Variants in IL1RL1 observed in about 807,000 individuals in gnomAD.
IL1RL1 encodes the protein interleukin 1 receptor like 1.
A neutral mutation model predicts 50.9 loss-of-function variants in IL1RL1; 32 were observed. The observed-to-expected ratio is 0.63, with a 90% confidence interval of 0.47 to 0.84. The LOEUF (loss-of-function observed/expected upper bound fraction) is 0.84, where lower values mean the gene tolerates loss of function less well. Ranked by LOEUF, IL1RL1 falls within the 40% of genes least tolerant of loss-of-function variation. IL1RL1 has a pLI of 0.00. For synonymous variants in IL1RL1, 275 were observed against 236.0 expected (o/e 1.17, Z -1.51); for missense variants, 773 against 662.9 (o/e 1.17, Z -1.82).
At chr2:102,345,736 A>G in intron 8 of IL1RL1, 3 of 985,412 alleles carry the variant, frequency 3.0e-6, no homozygotes, top group Non-Finnish European at 3.6e-6. Context: ...GATGGCTATA[A>G]GTGCCGTAGT....
rs138992262 is a variant in IL1RL1 at position 102,351,771 on chromosome 2, G to A, written c.1521G>A (p.Gln507=). The change falls in exon 11 of 11, where the codon CAG becomes CAA. Residue 507 remains glutamine, a synonymous_variant. Transcript: ENST00000233954. ...CCCTCCAGCATCTTATGAAAGTACA[G>A]GGGACCATCAAGTGGAGGGAGGACC... ...QDSLQHLMKV[Q]GTIKWREDHI... is the part of the protein sequence containing the mutation. The A allele has an allele frequency of 1.3e-4, 203 of 1,613,968 alleles. No individual in the cohort carries two copies. The highest frequency in any genetic ancestry group is 1.7e-4 in the Non-Finnish European group (199 of 1,180,000).
At chr2:102,343,527 A>G (rs1677663286) in intron 8 of IL1RL1, 112 bp downstream of exon 8, 2 of 1,593,048 alleles carry the variant, frequency 1.3e-6, no homozygotes, top group South Asian at 1.1e-5. Flanking sequence ...CCTGTGCCAT[A>G]AAATGTGCTT....
At chr2:102,352,205 T>C (rs1008968010), downstream of IL1RL1, among the ~76,000 whole-genome samples, 1 of 147,946 alleles carries the variant, frequency 6.8e-6, no homozygotes, top group Non-Finnish European at 1.5e-5. Flanking sequence ...ACTACTCTTT[T>C]TTCCTCTCTC....
intron 9 of IL1RL1, among the ~76,000 whole-genome samples, chr2:102,348,735 G>C (rs1677848825): frequency 6.6e-6 from 1 of 152,136 alleles, no homozygotes; most frequent in African/African-American, 2.4e-5. Context: ...TTCCCCAGGG[G>C]AGTATGGGGA....
chr2:102,319,999 C>T (rs1676791133), intron 1 of IL1RL1, among the ~76,000 whole-genome samples: 1 of 152,158 alleles, frequency 6.6e-6, no homozygotes, highest in African/African-American at 2.4e-5. Context: ...CTTTCTTTTG[C>T]TTTGTTATTT....
In IL1RL1 at chr2:102,351,550, G is replaced by T. The variant is rs1279033276; in HGVS notation, c.1300G>T (p.Val434Leu). The change falls in exon 11 of 11, where the codon GTG becomes TTG. Residue 434 changes from valine (V) to leucine (L), a missense_variant. Val to Leu is a conservative substitution (Grantham distance 32). Coordinates refer to ENST00000233954, the MANE Select transcript of IL1RL1 (RefSeq NM_016232.5). ...TGTATGACTAGATGTAGTCACTGCA[G>T]TGGAAACCAACATACGAAAGAGCAG... ...MLPGEDVVTA[V>L]ETNIRKSRRH... is the part of the protein sequence containing the mutation. 6.2e-7 allele frequency: 1 copy of T among 1,613,902 alleles called. No homozygotes were observed. The highest frequency in any genetic ancestry group is 2.2e-5 in the East Asian group (1 of 44,872).
intron 8 of IL1RL1, chr2:102,344,020 C>T: frequency 3.7e-6 from 2 of 540,022 alleles, no homozygotes; most frequent in Non-Finnish European, 4.7e-6. Flanking sequence ...GTTTAATTGG[C>T]TCACAGTTCT....
Position 102,340,253 on chromosome 2 carries a change from C to A in IL1RL1, c.428C>A (p.Ala143Glu). The change falls in exon 4 of 11, where the codon GCA becomes GAA. Residue 143 changes from alanine to glutamate, a missense_variant. Ala to Glu is a moderately radical substitution (Grantham distance 107). Coordinates refer to ENST00000233954, the MANE Select transcript of IL1RL1 (RefSeq NM_016232.5). ...ACCATTGACCTCTACAACTGGACAG[C>A]ACCTCTTGAGTGGTTTAAGGTAAGA... Reference protein sequence around the residue: ...CPTIDLYNWTAPLEWFKNCQA... With the variant: ...CPTIDLYNWTEPLEWFKNCQA... 1 of 1,597,674 alleles carries A rather than the reference C, an allele frequency of 6.3e-7. No individual in the cohort carries two copies. Among genetic ancestry groups the A allele is most frequent in the Non-Finnish European group, 8.5e-7 (1 of 1,176,284 alleles).
intron 1 of IL1RL1, among the ~76,000 whole-genome samples, chr2:102,321,824 A>G (rs947079484): frequency 1.3e-5 from 2 of 152,246 alleles, no homozygotes; most frequent in Non-Finnish European, 1.5e-5. Context: ...GATGGAGATT[A>G]AGAGGAAAAT....
intron 8 of IL1RL1, chr2:102,343,881 G>T: frequency 1.0e-6 from 1 of 998,112 alleles, no homozygotes; most frequent in Non-Finnish European, 1.2e-6. Flanking sequence ...GAACAAAAAG[G>T]GGAAGTATCA....
chr2:102,350,069 A>G (rs892337984), intron 10 of IL1RL1, among the ~76,000 whole-genome samples: 1 of 114,200 alleles, frequency 8.8e-6, no homozygotes, highest in Admixed American at 7.9e-5. Context: ...GGGAATGCTA[A>G]TAGCCTCAAT....
chr2:102,315,031 C>G (rs1474038060), intron 1 of IL1RL1, among the ~76,000 whole-genome samples: 1 of 152,184 alleles, frequency 6.6e-6, no homozygotes, highest in Non-Finnish European at 1.5e-5. Context: ...TTTGCTTTCC[C>G]TTGGTACTGC....
intron 1 of IL1RL1, among the ~76,000 whole-genome samples, chr2:102,311,997 ATATATTTATATATATTAT>A: frequency 3.6e-5 from 1 of 27,992 alleles, no homozygotes; most frequent in Non-Finnish European, 5.5e-5. Context: ...ATTATATATA[ATATATTTATATATATTAT>A]ATATAATATA....
intron 8 of IL1RL1, chr2:102,343,998 A>G: frequency 1.4e-6 from 1 of 710,870 alleles, no homozygotes; most frequent in Non-Finnish European, 1.7e-6. Flanking sequence ...TGGGTGATTT[A>G]TATGAAAAGA....
At chr2:102,337,222 C>G (rs905502980) in intron 1 of IL1RL1, 4 of 152,272 alleles carry the variant, frequency 2.6e-5, no homozygotes, top group African/African-American at 9.7e-5. Context: ...GGAGGAGTGT[C>G]TCCCCTTTAA....
intron 1 of IL1RL1, among the ~76,000 whole-genome samples, chr2:102,325,320 A>C (rs561747371): frequency 1.3e-5 from 2 of 152,328 alleles, no homozygotes; most frequent in East Asian, 3.9e-4. Flanking sequence ...ACTAACAAAC[A>C]GAAACGACAT....
intron 1 of IL1RL1, among the ~76,000 whole-genome samples, chr2:102,323,395 T>G (rs1277255970): frequency 6.6e-6 from 1 of 151,988 alleles, no homozygotes; most frequent in East Asian, 1.9e-4. Flanking sequence ...ATTGGCTTTG[T>G]TTTGTATTGC....
intron 1 of IL1RL1, among the ~76,000 whole-genome samples, chr2:102,336,830 G>T (rs1319537588): frequency 6.6e-6 from 1 of 152,050 alleles, no homozygotes; most frequent in Non-Finnish European, 1.5e-5. Flanking sequence ...TGCTTACTTC[G>T]CATTTCCTCT....
rs181793066 is a variant in IL1RL1, at chr2:102,337,890, C to T, written c.-149-226C>T. 5.9e-5 allele frequency among the ~76,000 whole-genome samples: 9 copies of T among 152,008 alleles called. No homozygotes were observed. The East Asian group carries it at 7.7e-4, about 13-fold the overall frequency. On this transcript the variant is annotated intron_variant, in intron 1 of 10. Transcript: ENST00000233954. ...TCATGAGACTGGTGAAATATAACTG[C>T]GAAGTAGCATGATAACTGTGAAATA...
Sources: allele counts gnomAD v4.1 joint callset (sites outside exome capture counted in the v4.1 genomes callset), GRCh38; gene constraint gnomAD v4.1.1; transcripts MANE v1.5; gene names NCBI Gene and HGNC (gene_info 2026-07-23, HGNC 2026-07-21).